Variants in TRPC6 observed in about 807,000 individuals in gnomAD.
TRPC6 encodes the protein transient receptor potential cation channel subfamily C member 6.
A neutral mutation model predicts 90.7 loss-of-function variants in TRPC6; 55 were observed. The ratio of observed to expected loss-of-function variants is 0.61; its 90% CI spans 0.49 to 0.76. The LOEUF (loss-of-function observed/expected upper bound fraction) is 0.76. Ranked by LOEUF, TRPC6 falls within the 30% of genes least tolerant of loss-of-function variation. The pLI, the probability that TRPC6 is intolerant of heterozygous loss-of-function variation, is 0.00. For synonymous variants in TRPC6, 393 were observed against 393.0 expected (o/e 1.00, Z 0.00); for missense variants, 989 against 1,122.7 (o/e 0.88, Z 1.70).
At chr11:101,583,067 T>C (rs2136908812) in intron 1 of TRPC6, 3 of 591,554 alleles carry the variant, frequency 5.1e-6, no homozygotes, top group Non-Finnish European at 6.4e-6. Flanking sequence ...GCAATGGTGG[T>C]GTTACTATGC....
At chr11:101,525,862 T>C (rs1215180850) in intron 1 of TRPC6, among the ~76,000 whole-genome samples, 2 of 152,176 alleles carry the variant, frequency 1.3e-5, no homozygotes, top group African/African-American at 4.8e-5. Flanking sequence ...CAAGAGACTA[T>C]GGCTACAAGC....
intron 1 of TRPC6, among the ~76,000 whole-genome samples, chr11:101,558,599 C>T (rs1349398816): frequency 6.6e-6 from 1 of 151,532 alleles, no homozygotes; most frequent in Non-Finnish European, 1.5e-5. Context: ...GCTCTGTCAC[C>T]CAAGCTGGAG....
At chr11:101,453,557 C>A in intron 12 of TRPC6, 93 bp downstream of exon 12, 1 of 1,197,344 alleles carries the variant, frequency 8.4e-7, no homozygotes. Context: ...TTCACTCTCC[C>A]TGTACGCATC....
chr11:101,511,432 C>T (rs1223115634), intron 1 of TRPC6, among the ~76,000 whole-genome samples: 2 of 152,040 alleles, frequency 1.3e-5, no homozygotes, highest in East Asian at 1.9e-4. Context: ...TACATTAATC[C>T]CTCCCGTTAA....
rs1236752834 is a variant in TRPC6, at chr11:101,583,550, G to T, written c.-47C>A. ...TGGGCCCCGCTCCCGGGGGAGCCGAGTGGGCAGTTCCAGCGGGGACCCGGT... is the reference window on the plus strand; with the variant it reads ...TGGGCCCCGCTCCCGGGGGAGCCGATTGGGCAGTTCCAGCGGGGACCCGGT... On this transcript the variant is annotated 5_prime_UTR_variant, in exon 1 of 13. Transcript: ENST00000344327. The T allele has an allele frequency of 1.1e-5, 15 of 1,412,518 alleles. No homozygotes were observed. Among genetic ancestry groups the T allele is most frequent in the Non-Finnish European group, 1.4e-5 (15 of 1,088,898 alleles). 87.5% of individuals were successfully genotyped at this position (1,412,518 alleles called of 1,614,324 possible). A position where few individuals can be genotyped will look rare whatever the true frequency, so the allele number is the denominator to read the frequency against.
chr11:101,482,181 C>T (rs1470682423), intron 5 of TRPC6, among the ~76,000 whole-genome samples: 2 of 152,192 alleles, frequency 1.3e-5, no homozygotes, highest in Non-Finnish European at 2.9e-5. Context: ...ACTGACCTGC[C>T]TCCCAGACTT....
chr11:101,567,396 C>G (rs1399185804), intron 1 of TRPC6, among the ~76,000 whole-genome samples: 1 of 152,136 alleles, frequency 6.6e-6, no homozygotes, highest in Non-Finnish European at 1.5e-5. Flanking sequence ...CCCCCACTCC[C>G]TGGGACAGAG....
chr11:101,527,406 T>C (rs1475361620), intron 1 of TRPC6, among the ~76,000 whole-genome samples: 1 of 152,238 alleles, frequency 6.6e-6, no homozygotes, highest in Non-Finnish European at 1.5e-5. Flanking sequence ...GATCATTTTA[T>C]GCCCATAATG....
At chr11:101,455,917 A>G (rs889632179) in intron 10 of TRPC6, among the ~76,000 whole-genome samples, 2 of 152,194 alleles carry the variant, frequency 1.3e-5, no homozygotes. Flanking sequence ...AAATGAACAT[A>G]AGCAATTATG....
chr11:101,548,472 A>C (rs200108007), intron 1 of TRPC6, among the ~76,000 whole-genome samples: 1,460 of 42,828 alleles, frequency 0.034, 24 homozygotes, highest in African/African-American at 0.1. Flanking sequence ...ATATATATAT[A>C]TATATCTCTC....
chr11:101,543,476 A>C (rs1340481661), intron 1 of TRPC6, among the ~76,000 whole-genome samples: 3 of 152,148 alleles, frequency 2.0e-5, no homozygotes, highest in East Asian at 3.9e-4. Flanking sequence ...AAACTATACT[A>C]TAAGGCTACA....
intron 1 of TRPC6, among the ~76,000 whole-genome samples, chr11:101,526,526 T>C (rs1320018098): frequency 2.0e-5 from 3 of 152,214 alleles, no homozygotes; most frequent in African/African-American, 7.2e-5. Flanking sequence ...TTTGTGTATA[T>C]AAATCCTTTC....
rs924027262 is a variant in TRPC6, at chr11:101,467,783, T to A, written c.2484+1644A>T. On this transcript the variant is annotated intron_variant, in intron 10 of 12. Transcript: ENST00000344327. ...AACTATTTAGAAATGTAATTTTTTT[T>A]AAATATCTAACTCTCAGTCTGAAAA... Among the ~76,000 whole-genome samples the A allele has an allele frequency of 1.9e-4, 29 of 152,292 alleles. 1 individual carries two copies. Among genetic ancestry groups the A allele is most frequent in the South Asian group, 1.2e-3 (6 of 4,822 alleles).
chr11:101,534,027 C>T (rs1304877616), intron 1 of TRPC6, among the ~76,000 whole-genome samples: 1 of 152,206 alleles, frequency 6.6e-6, no homozygotes, highest in Non-Finnish European at 1.5e-5. Flanking sequence ...GGAGGCCACT[C>T]TTCCAAAATC....
intron 10 of TRPC6, among the ~76,000 whole-genome samples, chr11:101,465,153 A>T (rs1465826042): frequency 6.6e-6 from 1 of 152,110 alleles, no homozygotes; most frequent in East Asian, 1.9e-4. Context: ...CTGCAGAGAG[A>T]TCTGCTGTTA....
chr11:101,469,297 G>GTTAAAATAGTTGAATTATTTA lies in TRPC6; in HGVS notation c.2484+109_2484+129dup. ...CTCAATAACAGAATTGTTGAGATTT[G>GTTAAAATAGTTGAATTATTTA]TTAAAATAGTTGAATTATTTAATGG... On this transcript the variant is annotated intron_variant, in intron 10 of 12. Transcript: ENST00000344327. The GTTAAAATAGTTGAATTATTTA allele has an allele frequency of 4.6e-6, 3 of 645,600 alleles. No homozygotes were observed. In the South Asian group the frequency reaches 5.1e-5, roughly 11 times the overall value. The allele number at this position is 645,600 out of a possible 1,614,324, so 40.0% of individuals were successfully genotyped here.
At chr11:101,539,802 G>A (rs917010649) in intron 1 of TRPC6, among the ~76,000 whole-genome samples, 1 of 152,000 alleles carries the variant, frequency 6.6e-6, no homozygotes, top group Non-Finnish European at 1.5e-5. Context: ...CATTAGGAGC[G>A]TTACATTAAA....
intron 1 of TRPC6, among the ~76,000 whole-genome samples, chr11:101,566,704 T>C (rs185590056): frequency 3.3e-5 from 5 of 152,140 alleles, no homozygotes; most frequent in African/African-American, 1.2e-4. Flanking sequence ...CTGGGACAGG[T>C]TGGACAGTGG....
At chr11:101,577,365 G>A (rs952364771) in intron 1 of TRPC6, among the ~76,000 whole-genome samples, 7 of 152,054 alleles carry the variant, frequency 4.6e-5, no homozygotes, top group Non-Finnish European at 1.0e-4. Context: ...GAAATACCTC[G>A]TACTGCTGCT....
Sources: gnomAD v4.1 joint callset for allele counts (sites outside exome capture counted in the v4.1 genomes callset) on GRCh38, gnomAD v4.1.1 for gene constraint, MANE v1.5 for transcripts, NCBI Gene and HGNC (gene_info 2026-07-23, HGNC 2026-07-21) for gene names.